The following CAPZB variants were observed in gnomAD, a reference collection of about 807,000 sequenced individuals.
The protein encoded by CAPZB is capping actin protein of muscle Z-line subunit beta, also known as F-actin-capping protein subunit beta.
A neutral mutation model predicts 38.1 loss-of-function variants in CAPZB; 2 were observed. The observed-to-expected ratio is 0.05, with a 90% CI of 0.02 to 0.17. The LOEUF (loss-of-function observed/expected upper bound fraction) is 0.17. Among genes scored for constraint, CAPZB ranks in the 10% least tolerant of loss-of-function variants. The pLI is 1.00. For synonymous variants in CAPZB, 107 were observed against 127.4 expected, an observed-to-expected ratio of 0.84 and a Z score of 1.08; for missense variants, 161 against 334.2, an observed-to-expected ratio of 0.48 and a Z score of 4.04.
intron 6 of CAPZB, among the ~76,000 whole-genome samples, chr1:19,354,431 T>TC (rs1047550535): frequency 2.0e-4 from 30 of 152,128 alleles, no homozygotes; most frequent in African/African-American, 7.0e-4. Context: ...TTGCAATCCC[T>TC]CCCCCTTCTG....
intron 1 of CAPZB, among the ~76,000 whole-genome samples, chr1:19,444,682 G>C (rs1453051956): frequency 4.6e-5 from 7 of 152,196 alleles, no homozygotes; most frequent in Admixed American, 3.3e-4. Flanking sequence ...GAAATTCAGA[G>C]AGGTGATCTA....
intron 1 of CAPZB, among the ~76,000 whole-genome samples, chr1:19,471,584 G>T (rs908697422): frequency 9.4e-6 from 1 of 106,574 alleles, no homozygotes; most frequent in Admixed American, 9.4e-5. Context: ...TGCTTCCTCG[G>T]CTGGGCGCTG....
intron 1 of CAPZB, among the ~76,000 whole-genome samples, chr1:19,481,418 C>T (rs1391649462): frequency 6.6e-6 from 1 of 152,208 alleles, no homozygotes; most frequent in African/African-American, 2.4e-5. Flanking sequence ...CTGGAAAACA[C>T]AGTGAGTGGG....
intron 1 of CAPZB, among the ~76,000 whole-genome samples, chr1:19,434,569 TA>T (rs2094452135): frequency 6.7e-6 from 1 of 148,808 alleles, no homozygotes; most frequent in African/African-American, 2.5e-5. Flanking sequence ...TTTTAAGGGT[TA>T]AAAAAATACA....
chr1:19,438,711 G>C (rs4911996), intron 1 of CAPZB, among the ~76,000 whole-genome samples: 31,878 of 152,138 alleles, frequency 0.21, 4,152 homozygotes, highest in Non-Finnish European at 0.28. Context: ...GTGAGACTCA[G>C]CAGAGGACAC....
chr1:19,345,076 C>T (rs559632748), intron 7 of CAPZB, 111 bp downstream of exon 7: 48 of 827,766 alleles, frequency 5.8e-5, no homozygotes, highest in Middle Eastern at 3.2e-4. Context: ...CTGCCGGCTG[C>T]GGTGGAGCTG....
At chr1:19,371,478 G>A (rs570220636) in intron 4 of CAPZB, among the ~76,000 whole-genome samples, 6 of 152,380 alleles carry the variant, frequency 3.9e-5, no homozygotes, top group Admixed American at 3.9e-4. Context: ...TCAGCCCACA[G>A]CATGGGTAAG....
At chr1:19,355,093 T>C (rs1180468828) in intron 6 of CAPZB, among the ~76,000 whole-genome samples, 1 of 152,084 alleles carries the variant, frequency 6.6e-6, no homozygotes, top group African/African-American at 2.4e-5. Flanking sequence ...CTTCTATAGG[T>C]GGAGGGAGGG....
chr1:19,445,916 T>G (rs1324423664), intron 1 of CAPZB, among the ~76,000 whole-genome samples: 2 of 151,638 alleles, frequency 1.3e-5, no homozygotes, highest in African/African-American at 4.9e-5. Flanking sequence ...AGGCAGGGAG[T>G]GCTGGGCTGT....
chr1:19,458,929 G>A (rs920419080), intron 1 of CAPZB, among the ~76,000 whole-genome samples: 11 of 152,224 alleles, frequency 7.2e-5, no homozygotes, highest in South Asian at 2.1e-4. Context: ...TAACTACTAG[G>A]TGGAGAGGGC....
rs112699179 is a variant in CAPZB, at chr1:19,431,794, G to A, written c.4-12044C>T. ...ATTTTATCCAAGAAAATACTACTTCGGGCTGCAAGCAATGGCTTACACCTG... is the reference window on the plus strand; with the variant it reads ...ATTTTATCCAAGAAAATACTACTTCAGGCTGCAAGCAATGGCTTACACCTG... On this transcript the variant is annotated intron_variant, in intron 1 of 8. Coordinates refer to ENST00000264202, the MANE Select transcript of CAPZB (RefSeq NM_004930.5). Among the ~76,000 whole-genome samples, 993 of 151,726 alleles carry A rather than the reference G, an allele frequency of 6.5e-3. 12 individuals carry two copies. Among genetic ancestry groups the A allele is most frequent in the African/African-American group, 0.022 (915 of 41,384 alleles).
intron 2 of CAPZB, among the ~76,000 whole-genome samples, chr1:19,405,987 G>C (rs758641868): frequency 1.2e-4 from 18 of 152,204 alleles, no homozygotes; most frequent in Non-Finnish European, 2.4e-4. Flanking sequence ...TCATTTTGGT[G>C]GGGGCATGGG....
At chr1:19,484,174 T>G (rs1244140001) in intron 1 of CAPZB, 2 of 1,609,736 alleles carry the variant, frequency 1.2e-6, no homozygotes, top group African/African-American at 2.7e-5. Context: ...GCACTCTCCC[T>G]AGGCGTTCTG....
At chr1:19,379,839 T>C (rs1313398726) in intron 3 of CAPZB, among the ~76,000 whole-genome samples, 1 of 151,998 alleles carries the variant, frequency 6.6e-6, no homozygotes, top group Non-Finnish European at 1.5e-5. Context: ...GTAGCAGAAT[T>C]AAAAAGGTGA....
chr1:19,403,424 G>A (rs1188371994), intron 2 of CAPZB, among the ~76,000 whole-genome samples: 1 of 152,180 alleles, frequency 6.6e-6, no homozygotes, highest in Non-Finnish European at 1.5e-5. Flanking sequence ...GAGTTGGTGT[G>A]GACATGTGTC....
intron 1 of CAPZB, among the ~76,000 whole-genome samples, chr1:19,434,238 T>A (rs558058175): frequency 6.6e-6 from 1 of 152,174 alleles, no homozygotes; most frequent in Non-Finnish European, 1.5e-5. Flanking sequence ...AAGCCCATAC[T>A]CGCCATTTCC....
chr1:19,364,851 TTC>T (rs1322525022), intron 4 of CAPZB, among the ~76,000 whole-genome samples: 1 of 152,100 alleles, frequency 6.6e-6, no homozygotes, highest in African/African-American at 2.4e-5. Flanking sequence ...CTTTTTTTTT[TTC>T]TCTCTTTTTT....
At chr1:19,372,774 C>T (rs1396901298) in intron 4 of CAPZB, among the ~76,000 whole-genome samples, 2 of 152,168 alleles carry the variant, frequency 1.3e-5, no homozygotes, top group Non-Finnish European at 2.9e-5. Context: ...CGGCTGTCTT[C>T]CCCTCTGCCT....
intron 2 of CAPZB, among the ~76,000 whole-genome samples, chr1:19,405,371 G>A (rs1275631447): frequency 1.3e-5 from 2 of 152,020 alleles, no homozygotes; most frequent in African/African-American, 2.4e-5. Context: ...CTTTCAGTGC[G>A]TTAGATAAAA....
Sources: allele counts gnomAD v4.1 joint callset (sites outside exome capture counted in the v4.1 genomes callset), GRCh38; gene constraint gnomAD v4.1.1; transcripts MANE v1.5; gene names NCBI Gene and HGNC (gene_info 2026-07-23, HGNC 2026-07-21).